MAN2B2: variants seen among roughly 807,000 people sequenced by gnomAD.
MAN2B2 encodes the protein epididymis-specific alpha-mannosidase.
In MAN2B2, 106 loss-of-function variants were observed where a neutral mutation model predicts 117.1. The observed-to-expected ratio is 0.90, with a 90% CI of 0.77 to 1.06. The LOEUF (loss-of-function observed/expected upper bound fraction) is 1.06, where lower values mean the gene tolerates loss of function less well. Among genes scored for constraint, MAN2B2 ranks in the 50% least tolerant of loss-of-function variants. The pLI is 0.00. For synonymous variants in MAN2B2, 544 were observed against 595.1 expected, an observed-to-expected ratio of 0.91 and a Z score of 1.25; for missense variants, 1,326 against 1,381.4, an observed-to-expected ratio of 0.96 and a Z score of 0.64.
chr4:6,589,303 C>T (rs1726769958), intron 5 of MAN2B2, 143 bp downstream of exon 5: 2 of 626,780 alleles, frequency 3.2e-6, no homozygotes, highest in African/African-American at 1.9e-5. Context: ...TGCAGTAGCG[C>T]AATCTTGGCT....
intron 4 of MAN2B2, among the ~76,000 whole-genome samples, chr4:6,588,374 A>G (rs926560259): frequency 1.3e-5 from 2 of 152,078 alleles, no homozygotes; most frequent in Non-Finnish European, 2.9e-5. Flanking sequence ...CACCCATCCT[A>G]TTGTATTAGG....
At chr4:6,601,824 G>T (rs1003390386) in intron 10 of MAN2B2, among the ~76,000 whole-genome samples, 6 of 152,220 alleles carry the variant, frequency 3.9e-5, no homozygotes, top group African/African-American at 1.4e-4. Flanking sequence ...GAGTCCCTGA[G>T]GTCACACAGC....
intron 3 of MAN2B2, among the ~76,000 whole-genome samples, chr4:6,579,141 T>TCACCATCACCACCACCAC (rs1726238360): frequency 1.3e-4 from 3 of 23,970 alleles, no homozygotes; most frequent in Non-Finnish European, 2.6e-4. Context: ...ACCACCACCA[T>TCACCATCACCACCACCAC]CACCACCACC....
intron 11 of MAN2B2, among the ~76,000 whole-genome samples, chr4:6,606,009 G>A (rs945974100): frequency 2.6e-5 from 4 of 152,228 alleles, no homozygotes; most frequent in Non-Finnish European, 4.4e-5. Context: ...CTCGTGGCTG[G>A]TTTATCCTTC....
intron 11 of MAN2B2, among the ~76,000 whole-genome samples, chr4:6,606,901 G>A (rs1467177567): frequency 1.3e-5 from 2 of 152,202 alleles, no homozygotes; most frequent in African/African-American, 4.8e-5. Flanking sequence ...GGGTTGAAGG[G>A]AGCGCTTCTG....
chr4:6,593,641 A>G (rs979301306), intron 6 of MAN2B2, among the ~76,000 whole-genome samples: 1 of 152,126 alleles, frequency 6.6e-6, no homozygotes, highest in African/African-American at 2.4e-5. Context: ...CTTAGAGTCC[A>G]TTGAGCTTCA....
intron 10 of MAN2B2, 52 bp downstream of exon 10, chr4:6,600,808 T>C (rs1253102823): frequency 6.2e-7 from 1 of 1,602,078 alleles, no homozygotes; most frequent in Non-Finnish European, 8.5e-7. Context: ...CTGAACCTGC[T>C]CTGGGCCGGG....
In MAN2B2 at chr4:6,594,517, C is replaced by T. The variant is rs199832960; in HGVS notation, c.859-17C>T. On this transcript the variant is annotated splice_polypyrimidine_tract_variant and intron_variant, in intron 6 of 18. Coordinates refer to ENST00000285599, the MANE Select transcript of MAN2B2 (RefSeq NM_015274.3). Reference sequence around the variant, plus strand: ...CCTGCTCCCACGGCACAGGATGTTGCTCCCATGTCCCTGCAGGGATGTGAC... The same window carrying T: ...CCTGCTCCCACGGCACAGGATGTTGTTCCCATGTCCCTGCAGGGATGTGAC... 20 of 1,610,738 alleles carry T rather than the reference C, an allele frequency of 1.2e-5. No homozygotes were observed. The highest frequency in any genetic ancestry group is 1.5e-5 in the Non-Finnish European group (18 of 1,179,696).
In MAN2B2 at chr4:6,610,891, C is replaced by T; in HGVS notation, c.2271C>T (p.Pro757=). ...VNNSIARNYY[P]MVQSAFMEDG... is the part of the protein sequence containing the mutation. ...GTTTCTGTCTGCAGAATTACTACCC[C>T]ATGGTTCAGTCGGCCTTCATGGAGG... is the stretch of plus-strand genomic sequence containing the variant. The change falls in exon 14 of 19, where the codon CCC becomes CCT. Residue 757 remains proline (P), a synonymous_variant. Coordinates refer to ENST00000285599, the MANE Select transcript of MAN2B2 (RefSeq NM_015274.3). 1 of 1,614,184 alleles carries T rather than the reference C, an allele frequency of 6.2e-7. No individual in the cohort carries two copies.
Position 6,609,184 on chromosome 4 carries a change from T to A in MAN2B2, c.1892T>A (p.Ile631Asn). The change falls in exon 12 of 19, where the codon ATT becomes AAT. Residue 631 changes from isoleucine (I) to asparagine (N), a missense_variant. Coordinates refer to ENST00000285599, the MANE Select transcript of MAN2B2 (RefSeq NM_015274.3). ...HVNGDVKQGPISDNYLFTPGK... is the reference protein window; with the variant it reads ...HVNGDVKQGPNSDNYLFTPGK... ...AACGGGGATGTGAAACAGGGCCCCA[T>A]TTCCGATAACTACCTGTTCACACCG... 1 of 1,614,236 alleles carries A rather than the reference T, an allele frequency of 6.2e-7. No individual in the cohort carries two copies. Among genetic ancestry groups the A allele is most frequent in the Non-Finnish European group, 8.5e-7 (1 of 1,180,048 alleles).
chr4:6,615,225 G>GT (rs1711808307), intron 16 of MAN2B2, among the ~76,000 whole-genome samples: 1 of 152,108 alleles, frequency 6.6e-6, no homozygotes, highest in Non-Finnish European at 1.5e-5. Context: ...GGAAGATCCT[G>GT]TGTCTATAAA....
intron 5 of MAN2B2, among the ~76,000 whole-genome samples, chr4:6,589,575 A>C (rs554193575): frequency 6.6e-6 from 1 of 152,294 alleles, no homozygotes; most frequent in African/African-American, 2.4e-5. Context: ...CTCCTTAAGC[A>C]CATGGTGTCC....
chr4:6,591,790 C>A (rs1476054909), intron 5 of MAN2B2, among the ~76,000 whole-genome samples: 1 of 152,112 alleles, frequency 6.6e-6, no homozygotes, highest in African/African-American at 2.4e-5. Flanking sequence ...CCAGGACCCC[C>A]CGGGGGCAGA....
intron 2 of MAN2B2, among the ~76,000 whole-genome samples, chr4:6,577,482 A>G (rs1036052996): frequency 1.3e-5 from 2 of 152,192 alleles, no homozygotes; most frequent in African/African-American, 4.8e-5. Context: ...GGCGTCCACC[A>G]GGCCCCGCCA....
At chr4:6,581,170 A>G (rs1726414014) in intron 3 of MAN2B2, among the ~76,000 whole-genome samples, 1 of 152,086 alleles carries the variant, frequency 6.6e-6, no homozygotes, top group African/African-American at 2.4e-5. Flanking sequence ...ATGCTATCCA[A>G]ATGTGCCCAC....
At chr4:6,613,834 AAG>A (rs1553914287) in intron 15 of MAN2B2, among the ~76,000 whole-genome samples, 15 of 149,480 alleles carry the variant, frequency 1.0e-4, no homozygotes, top group Admixed American at 1.0e-3. Context: ...GGAAGGAAAA[AAG>A]AGGGAGGGAG....
In MAN2B2 at chr4:6,610,972, A is replaced by C. The variant is rs1727744696; in HGVS notation, c.2352A>C (p.Gln784His). The change falls in exon 14 of 19, where the codon CAA becomes CAC. Residue 784 changes from glutamine to histidine, a missense_variant. Transcript: ENST00000285599. ...AGCGGGCACATGGCATCTCCAGCCA[A>C]GGGAATGGGCAGGTGGAGGTAGGAG... ...LSERAHGISSQGNGQVEVMLH... is the reference protein window; with the variant it reads ...LSERAHGISSHGNGQVEVMLH... 6.2e-7 allele frequency: 1 copy of C among 1,614,052 alleles called. No individual in the cohort carries two copies. Among genetic ancestry groups the C allele is most frequent in the Non-Finnish European group, 8.5e-7 (1 of 1,180,024 alleles).
At position 6,621,171 on chromosome 4, in the gene MAN2B2, C is replaced by T. The variant is rs1035980422; in HGVS notation, c.2933-17C>T. 3.1e-6 allele frequency: 5 copies of T among 1,596,568 alleles called. No individual in the cohort carries two copies. In the African/African-American group the frequency reaches 6.7e-5, roughly 21 times the overall value. ...GCATCCCAGGCCACACTGGACAGAT[C>T]ACCTCTGTTCCCCTAGGTGACACCA... On this transcript the variant is annotated splice_polypyrimidine_tract_variant and intron_variant, in intron 18 of 18. Transcript: ENST00000285599.
chr4:6,579,243 C>CCATCACCACCATCA (rs1560634777), intron 3 of MAN2B2, among the ~76,000 whole-genome samples: 1 of 11,186 alleles, frequency 8.9e-5, no homozygotes, highest in Non-Finnish European at 2.0e-4. Context: ...ACCACCACCA[C>CCATCACCACCATCA]CCTTCACCAC....
Sources: allele counts gnomAD v4.1 joint callset (sites outside exome capture counted in the v4.1 genomes callset), GRCh38; gene constraint gnomAD v4.1.1; transcripts MANE v1.5; gene names NCBI Gene and HGNC (gene_info 2026-07-23, HGNC 2026-07-21).